The following IQCM variants were observed in gnomAD, a reference collection of about 807,000 sequenced individuals.
IQCM encodes the protein IQ motif containing M, also known as IQ domain-containing protein M.
Under a neutral mutation model 57.6 loss-of-function variants are expected in IQCM, and 45 were observed. The observed-to-expected ratio is 0.78, with a 90% CI of 0.62 to 1.00. The LOEUF (loss-of-function observed/expected upper bound fraction) is 1.00, where lower values mean the gene tolerates loss of function less well. IQCM is among the 50% of genes least tolerant of loss of function. The pLI is 0.00. For synonymous variants in IQCM, 148 were observed against 158.9 expected (o/e 0.93, Z 0.51); for missense variants, 468 against 511.6 (o/e 0.91, Z 0.82).
At chr4:149,622,245 G>C (rs987932026) in intron 7 of IQCM, among the ~76,000 whole-genome samples, 1 of 151,904 alleles carries the variant, frequency 6.6e-6, no homozygotes, top group Non-Finnish European at 1.5e-5. Context: ...TTCCATTTCA[G>C]TCAAGAGTCT....
chr4:149,780,064 T>C (rs1328457939), intron 2 of IQCM, among the ~76,000 whole-genome samples: 1 of 152,082 alleles, frequency 6.6e-6, no homozygotes, highest in Non-Finnish European at 1.5e-5. Flanking sequence ...TTAGCTTCAA[T>C]GAGATATTTG....
intron 7 of IQCM, among the ~76,000 whole-genome samples, chr4:149,626,444 A>C: frequency 8.4e-6 from 1 of 119,202 alleles, no homozygotes; most frequent in East Asian, 2.5e-4. Flanking sequence ...TGCTATCTGA[A>C]GGAACCAGAA....
intron 13 of IQCM, among the ~76,000 whole-genome samples, chr4:149,359,063 G>A (rs1001190035): frequency 1.3e-5 from 2 of 152,090 alleles, no homozygotes; most frequent in African/African-American, 4.8e-5. Context: ...AAGCTGGGTA[G>A]AGAGATCATA....
At chr4:149,580,553 A>G (rs551436021) in intron 9 of IQCM, among the ~76,000 whole-genome samples, 25 of 151,744 alleles carry the variant, frequency 1.6e-4, no homozygotes, top group Middle Eastern at 3.4e-3. Flanking sequence ...ATAATTTTTG[A>G]TGTGTCTGAA....
chr4:149,394,323 C>T (rs1732073806), intron 13 of IQCM, among the ~76,000 whole-genome samples: 1 of 151,854 alleles, frequency 6.6e-6, no homozygotes, highest in Non-Finnish European at 1.5e-5. Context: ...TGTAATAATG[C>T]AGTTGTTCTT....
chr4:149,382,346 C>A (rs1256135084), intron 13 of IQCM, among the ~76,000 whole-genome samples: 1 of 152,058 alleles, frequency 6.6e-6, no homozygotes, highest in African/African-American at 2.4e-5. Flanking sequence ...TGGAATATTG[C>A]CAACTCTTTG....
chr4:149,416,624 C>T (rs1158190041), intron 13 of IQCM, among the ~76,000 whole-genome samples: 3 of 152,118 alleles, frequency 2.0e-5, no homozygotes, highest in African/African-American at 7.2e-5. Flanking sequence ...GGAGGACACA[C>T]CTGTAAACAT....
At chr4:149,566,532 G>A (rs1028611524) in intron 9 of IQCM, among the ~76,000 whole-genome samples, 2 of 152,076 alleles carry the variant, frequency 1.3e-5, no homozygotes, top group African/African-American at 2.4e-5. Context: ...GAGAGAGAGA[G>A]AGAAAAGTGA....
chr4:149,528,421 A>C, intron 12 of IQCM, among the ~76,000 whole-genome samples: 1 of 152,328 alleles, frequency 6.6e-6, no homozygotes, highest in Middle Eastern at 3.4e-3. Flanking sequence ...TATTTTATAA[A>C]ATTACATATC....
chr4:149,735,579 A>T (rs971361712), intron 3 of IQCM, 121 bp from the exon 4 acceptor site: 5 of 424,952 alleles, frequency 1.2e-5, no homozygotes, highest in Non-Finnish European at 2.0e-5. Context: ...TTTTGCTTTT[A>T]AGAAGAAATA....
intron 7 of IQCM, among the ~76,000 whole-genome samples, chr4:149,646,637 G>T (rs745528371): frequency 2.0e-5 from 3 of 151,986 alleles, no homozygotes; most frequent in African/African-American, 7.3e-5. Flanking sequence ...ATTTCCATAC[G>T]CTGAAGTTCT....
chr4:149,773,165 C>T (rs1580260599), intron 2 of IQCM, among the ~76,000 whole-genome samples: 1 of 152,256 alleles, frequency 6.6e-6, no homozygotes, highest in South Asian at 2.1e-4. Context: ...TCCTGGCTAA[C>T]ATGGTGAAAC....
intron 2 of IQCM, among the ~76,000 whole-genome samples, chr4:149,799,195 T>C (rs1321157567): frequency 1.3e-5 from 2 of 151,772 alleles, no homozygotes; most frequent in African/African-American, 4.8e-5. Context: ...AAGAGGAATT[T>C]TGGAAACTAT....
chr4:149,604,935 C>T (rs981434984), intron 8 of IQCM, among the ~76,000 whole-genome samples: 2 of 152,188 alleles, frequency 1.3e-5, no homozygotes, highest in Admixed American at 1.3e-4. Context: ...CTGCTATCTG[C>T]TCAAATGCTC....
intron 13 of IQCM, among the ~76,000 whole-genome samples, chr4:149,354,701 T>G (rs558274582): frequency 1.3e-5 from 2 of 152,280 alleles, no homozygotes; most frequent in African/African-American, 4.8e-5. Flanking sequence ...CTTATACATT[T>G]CTGAGTGAAT....
chr4:149,707,258 G>T (rs1263134067), intron 5 of IQCM, among the ~76,000 whole-genome samples: 1 of 152,048 alleles, frequency 6.6e-6, no homozygotes, highest in Admixed American at 6.6e-5. Flanking sequence ...TGTGATTTTA[G>T]CTTCTTATTC....
chr4:149,364,205 A>C (rs2110935653), intron 13 of IQCM, among the ~76,000 whole-genome samples: 1 of 152,284 alleles, frequency 6.6e-6, no homozygotes, highest in Non-Finnish European at 1.5e-5. Context: ...GGAGGAATAG[A>C]AAAAGAGAAA....
intron 5 of IQCM, among the ~76,000 whole-genome samples, chr4:149,707,925 A>G (rs1466042306): frequency 6.6e-6 from 1 of 152,050 alleles, no homozygotes; most frequent in Non-Finnish European, 1.5e-5. Flanking sequence ...TCTTGGTAGA[A>G]TAATCACAGT....
rs766019679 is a variant in IQCM at position 149,377,522 on chromosome 4, GTCT to G, written c.1391-25459_1391-25457del. The stretch of plus-strand genomic sequence containing the variant: ...GGAATCATATTCTGAGACTCAAACT[GTCT>G]TCTTTTTTCACTCTCTTGATGTCCT... On this transcript the variant is annotated intron_variant, in intron 13 of 13. Coordinates refer to ENST00000636793, the MANE Select transcript of IQCM (RefSeq NM_001363507.2). 3.9e-5 allele frequency among the ~76,000 whole-genome samples: 6 copies of G among 152,204 alleles called. No homozygotes were observed. The East Asian group carries it at 9.7e-4, about 25-fold the overall frequency.
Sources: gnomAD v4.1 joint callset for allele counts (sites outside exome capture counted in the v4.1 genomes callset) on GRCh38, gnomAD v4.1.1 for gene constraint, MANE v1.5 for transcripts, NCBI Gene and HGNC (gene_info 2026-07-23, HGNC 2026-07-21) for gene names.